The following CROCC2 variants were observed in gnomAD, a reference collection of about 807,000 sequenced individuals.
CROCC2 encodes ciliary rootlet coiled-coil, rootletin family member 2.
CROCC2 carries 163 observed loss-of-function variants against 177.6 expected under a neutral mutation model. The ratio of observed to expected loss-of-function variants is 0.92; its 90% CI spans 0.81 to 1.05. The LOEUF (loss-of-function observed/expected upper bound fraction) is 1.05. Ranked by LOEUF, CROCC2 falls within the 50% of genes least tolerant of loss-of-function variation. The pLI is 0.00. For missense variants in CROCC2, 1,929 were observed against 1,797.8 expected, an observed-to-expected ratio of 1.07 and a Z score of -1.32; for synonymous variants, 904 against 787.3, an observed-to-expected ratio of 1.15 and a Z score of -2.48.
chr2:240,931,821 C>G (rs951956032), intron 7 of CROCC2, among the ~76,000 whole-genome samples: 6 of 152,216 alleles, frequency 3.9e-5, no homozygotes, highest in Non-Finnish European at 8.8e-5. Flanking sequence ...CCCAAATGAG[C>G]AAGACAGGAC....
Position 240,920,105 on chromosome 2 carries a change from G to A in CROCC2, c.352G>A (p.Ala118Thr), listed in dbSNP as rs1408698607. The change falls in exon 3 of 32, where the codon GCC (alanine) becomes ACC (threonine). Residue 118 changes from alanine (A) to threonine (T), a missense_variant. Around this residue, in one of 3 missense-constraint regions of CROCC2, gnomAD observed 1,397 missense variants for 1,239.9 expected, o/e 1.13. Coordinates refer to ENST00000690015, the MANE Select transcript of CROCC2 (RefSeq NM_001351305.2). ...AQASAERDELASRCRVVSEQL... is the reference protein window; with the variant it reads ...AQASAERDELTSRCRVVSEQL... Reference sequence around the variant, plus strand: ...GGCCAGCGCCGAGCGAGATGAGCTGGCCAGCAGGTGCCGTGTGGTCAGCGA... The same window carrying A: ...GGCCAGCGCCGAGCGAGATGAGCTGACCAGCAGGTGCCGTGTGGTCAGCGA... The A allele has an allele frequency of 2.6e-5, 18 of 703,890 alleles. No homozygotes were observed. The highest frequency in any genetic ancestry group is 4.5e-5 in the Non-Finnish European group (17 of 379,134). 43.6% of individuals were successfully genotyped at this position (703,890 alleles called of 1,614,324 possible).
At chr2:240,906,722 ACG>A (rs1388695942) in intron 1 of CROCC2, 131 bp downstream of exon 1, 1 of 396,472 alleles carries the variant, frequency 2.5e-6, no homozygotes, top group African/African-American at 2.1e-5. Flanking sequence ...CCACTTGCTC[ACG>A]TGTTTGCCTT....
chr2:240,918,740 C>T lies in CROCC2; in HGVS notation c.93C>T (p.Thr31=). The T allele has an allele frequency of 1.7e-6, 1 of 574,296 alleles. No individual in the cohort carries two copies. Among genetic ancestry groups the T allele is most frequent in the East Asian group, 3.3e-5 (1 of 30,718 alleles). 35.6% of individuals were successfully genotyped at this position (574,296 alleles called of 1,614,324 possible). Residue 31 remains threonine, a synonymous_variant, in exon 2 of 32, where the codon ACC becomes ACT. Coordinates refer to ENST00000690015, the MANE Select transcript of CROCC2 (RefSeq NM_001351305.2). The surrounding 1 kb of genome is among the most constrained non-coding windows in gnomAD (Gnocchi z 6.3). ...GTGTCTTTCAGAGACTGGAGGACAC[C>T]ATCCTGAGTCCCACAGCCAGCAGGG... ...LDTVIQRLED[T]ILSPTASRED...
At chr2:240,916,479 G>GAA (rs1465780273) in intron 1 of CROCC2, among the ~76,000 whole-genome samples, 1 of 37,304 alleles carries the variant, frequency 2.7e-5, no homozygotes, top group East Asian at 1.6e-3. Context: ...CCGTGCCCCC[G>GAA]CGCCCCCGCG....
intron 27 of CROCC2, among the ~76,000 whole-genome samples, chr2:240,977,023 T>TC (rs2059771272): frequency 3.6e-5 from 2 of 54,972 alleles, no homozygotes; most frequent in Non-Finnish European, 6.7e-5. Context: ...GGTAGGAGCC[T>TC]CAGGATCCCA....
In CROCC2 at chr2:240,932,793, G is replaced by A. The variant is rs571257604; in HGVS notation, c.1136G>A (p.Arg379His). ...EPRRPLRSPQ[R>H]ATSPHQGASP... ...CGGCGCCCACTGAGGAGCCCCCAAC[G>A]TGCCACATCCCCCCATCAAGGGGCG... is the stretch of plus-strand genomic sequence containing the variant. The change falls in exon 9 of 32, where the codon CGT (arginine) becomes CAT (histidine). Residue 379 changes from arginine to histidine, a missense_variant. This residue lies in a region of CROCC2 where 1,397 missense variants were observed against 1,239.9 expected (regional missense o/e 1.13). Transcript: ENST00000690015. 4.7e-5 allele frequency: 70 copies of A among 1,473,784 alleles called. No individual in the cohort carries two copies. Among genetic ancestry groups the A allele is most frequent in the South Asian group, 4.5e-4 (37 of 82,028 alleles). 91.3% of individuals were successfully genotyped at this position (1,473,784 alleles called of 1,614,324 possible).
intron 15 of CROCC2, 55 bp downstream of exon 15, chr2:240,946,308 G>T (rs2059524208): frequency 2.1e-6 from 3 of 1,456,012 alleles, no homozygotes; most frequent in Non-Finnish European, 2.8e-6. Context: ...CCCACAGAGA[G>T]TCTGCAGTGT....
chr2:240,907,546 C>T (rs1223463146), intron 1 of CROCC2, among the ~76,000 whole-genome samples: 2 of 152,168 alleles, frequency 1.3e-5, no homozygotes, highest in Non-Finnish European at 2.9e-5. Flanking sequence ...CCAAACAATA[C>T]AGATCACCTG....
At position 240,935,524 on chromosome 2, in the gene CROCC2, A is replaced by G; in HGVS notation, c.2105A>G (p.Gln702Arg). Residue 702 changes from glutamine (Q) to arginine (R), a missense_variant, in exon 14 of 32, where the codon CAG becomes CGG. By Grantham distance (43) the Gln-to-Arg change is conservative. Around this residue, in one of 3 missense-constraint regions of CROCC2, gnomAD observed 1,397 missense variants for 1,239.9 expected, o/e 1.13. Transcript: ENST00000690015. Reference protein sequence around the residue: ...ACGRLEQRQEQLEGQAALLGR... With the variant: ...ACGRLEQRQERLEGQAALLGR... ...GGACGCCTGGAGCAGCGGCAGGAGCAGCTGGAGGGGCAGGCAGCCCTGCTG... is the reference window on the plus strand; with the variant it reads ...GGACGCCTGGAGCAGCGGCAGGAGCGGCTGGAGGGGCAGGCAGCCCTGCTG... The G allele has an allele frequency of 7.4e-7, 1 of 1,350,290 alleles. No homozygotes were observed. Among genetic ancestry groups the G allele is most frequent in the Non-Finnish European group, 9.5e-7 (1 of 1,048,706 alleles). The allele number at this position is 1,350,290 out of a possible 1,614,324, so 83.6% of individuals were successfully genotyped here.
chr2:240,983,138 G>A (rs1364890037), intron 28 of CROCC2, 109 bp downstream of exon 28: 2 of 1,142,930 alleles, frequency 1.7e-6, no homozygotes, highest in African/African-American at 3.1e-5. Context: ...AACATGAAGG[G>A]AGGCCTAGAG....
At position 240,972,918 on chromosome 2, in the gene CROCC2, CA is replaced by C. The variant is rs2059731859; in HGVS notation, c.4401+4657del. On this transcript the variant is annotated intron_variant, in intron 27 of 31. Transcript: ENST00000690015. This position sits in a 1 kb window ranked among gnomAD's most constrained non-coding sequence, Gnocchi z 7.1. ...GCTTTTGACACACAGCAAACCCAGG[CA>C]GAGAGCTCAGGGTTGAAATTTTCTA... 6.6e-6 allele frequency among the ~76,000 whole-genome samples: 1 copy of C among 152,042 alleles called. No individual in the cohort carries two copies. Among genetic ancestry groups the C allele is most frequent in the Non-Finnish European group, 1.5e-5 (1 of 68,014 alleles).
At chr2:240,959,134 T>C in intron 19 of CROCC2, 167 bp from the exon 20 acceptor site, 1 of 728,418 alleles carries the variant, frequency 1.4e-6, no homozygotes. Flanking sequence ...TGTTTGACAG[T>C]TTAGGAAACC....
chr2:240,953,192 C>T lies in CROCC2; in HGVS notation c.2830-2667C>T, dbSNP rs1256415443. Among the ~76,000 whole-genome samples, 1 of 152,044 alleles carries T rather than the reference C, an allele frequency of 6.6e-6. No individual in the cohort carries two copies. The highest frequency in any genetic ancestry group is 2.4e-5 in the African/African-American group (1 of 41,392). On this transcript the variant is annotated intron_variant, in intron 18 of 31. Coordinates refer to ENST00000690015, the MANE Select transcript of CROCC2 (RefSeq NM_001351305.2). This position sits in a 1 kb window ranked among gnomAD's most constrained non-coding sequence, Gnocchi z 4.0. The stretch of plus-strand genomic sequence containing the variant: ...TGGGAGGCCAAAGCCAGCAGATCAT[C>T]TGAGGTCAGGAGTTCAAGACCAGTG...
chr2:240,968,099 G>A, intron 26 of CROCC2, 30 bp from the exon 27 acceptor site: 3 of 1,407,358 alleles, frequency 2.1e-6, no homozygotes, highest in Non-Finnish European at 1.8e-6. Context: ...GGGCATGGGG[G>A]CCCCTCAAGC....
At chr2:240,951,515 C>A (rs2059556814) in intron 18 of CROCC2, among the ~76,000 whole-genome samples, 1 of 152,202 alleles carries the variant, frequency 6.6e-6, no homozygotes, top group Admixed American at 6.5e-5. Context: ...CTTCTTTCCA[C>A]ACATTTAGCT....
At chr2:240,943,785 C>T (rs927300996) in intron 14 of CROCC2, among the ~76,000 whole-genome samples, 50 of 152,160 alleles carry the variant, frequency 3.3e-4, no homozygotes, top group African/African-American at 1.0e-3. Flanking sequence ...CGGCCTAAAG[C>T]TTTATTCTTG....
intron 1 of CROCC2, among the ~76,000 whole-genome samples, chr2:240,907,068 G>A (rs1289361113): frequency 6.6e-6 from 1 of 152,162 alleles, no homozygotes; most frequent in Admixed American, 6.5e-5. Flanking sequence ...GGGTGGGGAT[G>A]GGCAGGCAGC....
At chr2:240,911,160 T>A (rs34418218) in intron 1 of CROCC2, among the ~76,000 whole-genome samples, 34,719 of 151,810 alleles carry the variant, frequency 0.23, 4,080 homozygotes, top group African/African-American at 0.26. Flanking sequence ...TTTAAAAAAA[T>A]TTTTCATTTT....
chr2:240,988,335 G>C (rs2059854207), intron 28 of CROCC2, among the ~76,000 whole-genome samples: 1 of 152,200 alleles, frequency 6.6e-6, no homozygotes, highest in Admixed American at 6.5e-5. Flanking sequence ...AGCAGATCCT[G>C]AGTGCCAACA....
Sources: gnomAD v4.1 joint callset for allele counts (sites outside exome capture counted in the v4.1 genomes callset) on GRCh38, gnomAD v4.1.1 for gene constraint, gnomAD v4.1.1 regional missense constraint, Gnocchi (gnomAD v3.1) non-coding constraint, MANE v1.5 for transcripts, NCBI Gene and HGNC (gene_info 2026-07-23, HGNC 2026-07-21) for gene names.